Variants in CFAP20DC observed in about 807,000 individuals in gnomAD.
CFAP20DC encodes the protein CFAP20 domain containing.
CFAP20DC carries 84 observed loss-of-function variants against 101.7 expected under a neutral mutation model. The ratio of observed to expected loss-of-function variants is 0.83; its 90% CI spans 0.69 to 0.99. CFAP20DC has a LOEUF of 0.99. Ranked by LOEUF, CFAP20DC falls within the 50% of genes least tolerant of loss-of-function variation. The pLI, the probability that CFAP20DC is intolerant of heterozygous loss-of-function variation, is 0.00. For synonymous variants in CFAP20DC, 359 were observed against 351.2 expected (o/e 1.02, Z -0.25); for missense variants, 1,007 against 970.3 (o/e 1.04, Z -0.50).
intron 4 of CFAP20DC, among the ~76,000 whole-genome samples, chr3:59,004,639 T>C (rs2093392139): frequency 6.6e-6 from 1 of 152,258 alleles, no homozygotes; most frequent in Admixed American, 6.5e-5. Flanking sequence ...AAATTGTTAA[T>C]TTCTTGATTC....
chr3:58,754,080 C>G (rs2068757140), intron 15 of CFAP20DC, among the ~76,000 whole-genome samples: 1 of 152,136 alleles, frequency 6.6e-6, no homozygotes, highest in South Asian at 2.1e-4. Flanking sequence ...AATACTTCAA[C>G]TAAATGAATA....
At chr3:59,004,442 C>T (rs2093385187) in intron 4 of CFAP20DC, among the ~76,000 whole-genome samples, 1 of 151,858 alleles carries the variant, frequency 6.6e-6, no homozygotes, top group South Asian at 2.1e-4. Context: ...TTTGTAATGC[C>T]CTCTAGCATT....
At chr3:58,755,404 T>C (rs1380225496) in intron 15 of CFAP20DC, among the ~76,000 whole-genome samples, 1 of 152,140 alleles carries the variant, frequency 6.6e-6, no homozygotes. Flanking sequence ...AATTACAAGG[T>C]CATATACAAA....
chr3:58,911,394 T>C (rs2084136411), intron 6 of CFAP20DC, among the ~76,000 whole-genome samples: 1 of 152,084 alleles, frequency 6.6e-6, no homozygotes, highest in South Asian at 2.1e-4. Flanking sequence ...ATGTAAAAGA[T>C]AGGTAATATT....
intron 5 of CFAP20DC, among the ~76,000 whole-genome samples, chr3:58,931,056 C>A (rs1352204314): frequency 2.0e-5 from 3 of 152,148 alleles, no homozygotes; most frequent in South Asian, 2.1e-4. Context: ...AAAATTGGGT[C>A]ACTCCCACCC....
chr3:58,980,969 C>T (rs1474427566), intron 4 of CFAP20DC, among the ~76,000 whole-genome samples: 1 of 152,138 alleles, frequency 6.6e-6, no homozygotes, highest in Admixed American at 6.5e-5. Flanking sequence ...ATTGTCTCAG[C>T]CCAAAATCTC....
At chr3:58,852,569 A>T (rs2078349592) in intron 12 of CFAP20DC, among the ~76,000 whole-genome samples, 1 of 151,998 alleles carries the variant, frequency 6.6e-6, no homozygotes. Context: ...TCCAAAATTG[A>T]CCACATACTT....
Position 58,863,600 on chromosome 3 carries a change from G to A in CFAP20DC, c.1551C>T (p.Thr517=). 1 of 1,614,038 alleles carries A rather than the reference G, an allele frequency of 6.2e-7. No individual in the cohort carries two copies. Among genetic ancestry groups the A allele is most frequent in the Non-Finnish European group, 8.5e-7 (1 of 1,179,998 alleles). ...KEDNSVTSRD[T]QSEDDFYGGD... ...CGCCGTAAAAATCATCCTCTGATTG[G>A]GTGTCTCTGCTTGTCACACTGTTAT... The change falls in exon 12 of 17, where the codon ACC becomes ACT. Residue 517 remains threonine, a synonymous_variant. Transcript: ENST00000482387. This position sits in a 1 kb window ranked among gnomAD's most constrained non-coding sequence, Gnocchi z 5.9.
intron 15 of CFAP20DC, among the ~76,000 whole-genome samples, chr3:58,805,730 T>C: frequency 6.6e-6 from 1 of 152,218 alleles, no homozygotes; most frequent in East Asian, 1.9e-4. Flanking sequence ...CTTATATACT[T>C]ATTTATCAGA....
Position 58,864,914 on chromosome 3 carries a change from A to G in CFAP20DC, c.1259-1022T>C, listed in dbSNP as rs1348449309. On this transcript the variant is annotated intron_variant, in intron 11 of 16. Coordinates refer to ENST00000482387, the MANE Select transcript of CFAP20DC (RefSeq NM_001394063.1). The surrounding 1 kb of genome is among the most constrained non-coding windows in gnomAD (Gnocchi z 4.7). ...TACCATACACTACAGGGAAATATAT[A>G]TTTTTTCAAAACTTTTAAAGACTTC... Among the ~76,000 whole-genome samples the G allele has an allele frequency of 6.6e-6, 1 of 152,122 alleles. No homozygotes were observed. The highest frequency in any genetic ancestry group is 2.4e-5 in the African/African-American group (1 of 41,424).
intron 6 of CFAP20DC, among the ~76,000 whole-genome samples, chr3:58,905,417 C>T (rs2083497924): frequency 6.6e-6 from 1 of 152,092 alleles, no homozygotes; most frequent in African/African-American, 2.4e-5. Flanking sequence ...CTAAAAATGC[C>T]AGCTCATGTC....
intron 6 of CFAP20DC, among the ~76,000 whole-genome samples, chr3:58,903,590 A>C (rs951439116): frequency 1.3e-5 from 2 of 152,192 alleles, no homozygotes; most frequent in African/African-American, 4.8e-5. Context: ...AAGGGGAAGC[A>C]AACATGTTCT....
At chr3:59,041,624 C>T (rs1699396804) in intron 3 of CFAP20DC, among the ~76,000 whole-genome samples, 1 of 152,084 alleles carries the variant, frequency 6.6e-6, no homozygotes, top group Non-Finnish European at 1.5e-5. Context: ...CCATCAAGTA[C>T]ATAAAATTCA....
intron 4 of CFAP20DC, among the ~76,000 whole-genome samples, chr3:59,004,490 T>C (rs529647469): frequency 3.3e-4 from 50 of 152,118 alleles, no homozygotes; most frequent in African/African-American, 1.1e-3. Context: ...TGTTCCAGAG[T>C]CTCCAAGCAA....
chr3:58,878,355 C>A (rs2080934105), intron 7 of CFAP20DC, among the ~76,000 whole-genome samples: 1 of 152,152 alleles, frequency 6.6e-6, no homozygotes, highest in Non-Finnish European at 1.5e-5. Context: ...GGACCTTAGA[C>A]AATGTATACA....
chr3:58,721,200 C>T lies in CFAP20DC; in HGVS notation c.198-3572G>A, dbSNP rs753956452. ...TACTGTATTCCCACATCTAACACAG[C>T]GTCCGGTGGATAGGAGGTACTCAAT... On this transcript the variant is annotated intron_variant, in intron 3 of 3. Coordinates refer to the CFAP20DC transcript ENST00000486145. The surrounding 1 kb of genome is among the most constrained non-coding windows in gnomAD (Gnocchi z 5.2). Among the ~76,000 whole-genome samples the T allele has an allele frequency of 1.3e-4, 20 of 152,158 alleles. No individual in the cohort carries two copies. Among genetic ancestry groups the T allele is most frequent in the Non-Finnish European group, 2.4e-4 (16 of 68,028 alleles).
chr3:58,759,489 G>A (rs1165204547), intron 15 of CFAP20DC, among the ~76,000 whole-genome samples: 1 of 152,178 alleles, frequency 6.6e-6, no homozygotes, highest in African/African-American at 2.4e-5. Context: ...TAGGTTGCCT[G>A]TTCACTCTGA....
chr3:59,028,510 T>C (rs1299128079), intron 4 of CFAP20DC, among the ~76,000 whole-genome samples: 1 of 152,192 alleles, frequency 6.6e-6, no homozygotes, highest in Non-Finnish European at 1.5e-5. Flanking sequence ...ATATTAAAAT[T>C]CAAATAAAAT....
At chr3:58,936,172 A>T (rs576761946) in intron 5 of CFAP20DC, among the ~76,000 whole-genome samples, 16 of 152,204 alleles carry the variant, frequency 1.1e-4, no homozygotes, top group Non-Finnish European at 1.9e-4. Context: ...CACATGAAAA[A>T]ATGCTCATCA....
Sources: allele counts gnomAD v4.1 joint callset (sites outside exome capture counted in the v4.1 genomes callset), GRCh38; gene constraint gnomAD v4.1.1; non-coding constraint Gnocchi (gnomAD v3.1); transcripts MANE v1.5; gene names NCBI Gene and HGNC (gene_info 2026-07-23, HGNC 2026-07-21).